PAK1: variants seen among roughly 807,000 people sequenced by gnomAD.
PAK1 encodes the protein p21 (RAC1) activated kinase 1.
Under a neutral mutation model 67.4 loss-of-function variants are expected in PAK1, and 29 were observed. That is an observed-to-expected ratio of 0.43 (90% CI 0.32 to 0.59). PAK1 has a LOEUF of 0.59. Among genes scored for constraint, PAK1 ranks in the 20% least tolerant of loss-of-function variants. PAK1 has a pLI of 0.07. For missense variants in PAK1, 337 were observed against 670.7 expected (o/e 0.50, Z 5.50); for synonymous variants, 223 against 237.4 (o/e 0.94, Z 0.56).
intron 1 of PAK1, among the ~76,000 whole-genome samples, chr11:77,449,511 C>G (rs1044773100): frequency 1.3e-5 from 2 of 152,054 alleles, no homozygotes; most frequent in African/African-American, 4.8e-5. Context: ...AACAACTTAA[C>G]ATAAAACGTT....
the PAK1 span, among the ~76,000 whole-genome samples, chr11:77,519,389 G>A: frequency 6.6e-6 from 1 of 152,080 alleles, no homozygotes; most frequent in East Asian, 1.9e-4. Context: ...TGTATCCCCT[G>A]TATTTCATGT....
chr11:77,435,118 CAA>C (rs11452381), intron 1 of PAK1, among the ~76,000 whole-genome samples: 2 of 128,680 alleles, frequency 1.6e-5, no homozygotes, highest in African/African-American at 2.8e-5. Context: ...TGTGAATATA[CAA>C]AAAAAAAAAA....
intron 9 of PAK1, 112 bp from the exon 10 acceptor site, chr11:77,344,043 T>C: frequency 2.8e-6 from 2 of 719,566 alleles, no homozygotes; most frequent in Non-Finnish European, 4.9e-6. Flanking sequence ...AGATACAGTC[T>C]TAGCCCTCGA....
chr11:77,470,860 C>T (rs183084093), intron 1 of PAK1, among the ~76,000 whole-genome samples: 8 of 152,234 alleles, frequency 5.3e-5, no homozygotes, highest in Middle Eastern at 3.4e-3. Context: ...AACAAACAAA[C>T]GAACAAAAGA....
intron 3 of PAK1, 55 bp from the exon 4 acceptor site, chr11:77,379,443 AAGAAC>A: frequency 6.4e-7 from 1 of 1,552,760 alleles, no homozygotes; most frequent in African/African-American, 1.4e-5. Flanking sequence ...GGGAGCCTGA[AAGAAC>A]ATCAGAGCTA....
chr11:77,469,110 G>A lies in PAK1; in HGVS notation c.-22+4442C>T, dbSNP rs561570319. Among the ~76,000 whole-genome samples, 15 of 152,216 alleles carry A rather than the reference G, an allele frequency of 9.9e-5. No individual in the cohort carries two copies. In the East Asian group the frequency reaches 1.9e-3, roughly 20 times the overall value. ...AACTCTCACTGCAATATATTTACTT[G>A]CAAAACATTCCTATATCCTCTGTGC... On this transcript the variant is annotated intron_variant, in intron 1 of 14. Coordinates refer to ENST00000356341, the MANE Select transcript of PAK1 (RefSeq NM_002576.5).
intron 2 of PAK1, among the ~76,000 whole-genome samples, chr11:77,381,408 G>A (rs115580908): frequency 1.8e-3 from 276 of 152,250 alleles, no homozygotes; most frequent in African/African-American, 6.3e-3. Context: ...CCACAATCCT[G>A]AGGTAAGTTT....
chr11:77,451,433 C>T (rs1956846950), intron 1 of PAK1, among the ~76,000 whole-genome samples: 1 of 152,276 alleles, frequency 6.6e-6, no homozygotes, highest in East Asian at 1.9e-4. Flanking sequence ...CGCCTTTGTC[C>T]AATCATATTT....
chr11:77,463,380 T>C (rs1014235095), intron 1 of PAK1, among the ~76,000 whole-genome samples: 1 of 152,122 alleles, frequency 6.6e-6, no homozygotes, highest in Non-Finnish European at 1.5e-5. Flanking sequence ...AAAAAATTTT[T>C]AACGTACATA....
chr11:77,328,395 C>A (rs1217714947), intron 14 of PAK1, among the ~76,000 whole-genome samples: 8 of 152,266 alleles, frequency 5.3e-5, no homozygotes, highest in South Asian at 2.1e-4. Context: ...GTAAAGCACT[C>A]CTCAGCAAAT....
At chr11:77,405,674 G>GAGACACAC (rs1555167120) in intron 1 of PAK1, among the ~76,000 whole-genome samples, 3 of 125,892 alleles carry the variant, frequency 2.4e-5, no homozygotes, top group Admixed American at 7.9e-5. Context: ...CAGACAGACA[G>GAGACACAC]ACACACACAC....
chr11:77,405,842 A>G (rs561417379), intron 1 of PAK1, among the ~76,000 whole-genome samples: 28 of 152,188 alleles, frequency 1.8e-4, no homozygotes, highest in African/African-American at 6.0e-4. Flanking sequence ...CCAACTAACA[A>G]TCTACCATTT....
chr11:77,426,241 C>A (rs1955540275), intron 1 of PAK1, among the ~76,000 whole-genome samples: 1 of 151,982 alleles, frequency 6.6e-6, no homozygotes, highest in Non-Finnish European at 1.5e-5. Context: ...ACCACCACCA[C>A]CATCTTTTTT....
intron 1 of PAK1, among the ~76,000 whole-genome samples, chr11:77,428,359 C>T (rs1248807296): frequency 2.0e-5 from 3 of 151,882 alleles, no homozygotes; most frequent in South Asian, 2.1e-4. Context: ...GTCGGGAGAT[C>T]GAGACCATCC....
In PAK1 at chr11:77,374,318, A is replaced by G. The variant is rs764546194; in HGVS notation, c.477+10T>C. On this transcript the variant is annotated intron_variant, in intron 5 of 14. Transcript: ENST00000356341. The stretch of plus-strand genomic sequence containing the variant: ...CTGCCCACATCAAAATAGAGTAAAT[A>G]AAGACTTACCAAGGCATTAGAAGAA... The G allele has an allele frequency of 6.4e-7, 1 of 1,561,162 alleles. No individual in the cohort carries two copies. The highest frequency in any genetic ancestry group is 8.8e-7 in the Non-Finnish European group (1 of 1,131,810).
the PAK1 span, among the ~76,000 whole-genome samples, chr11:77,488,259 A>T: frequency 6.6e-6 from 1 of 151,782 alleles, no homozygotes; most frequent in Non-Finnish European, 1.5e-5. Flanking sequence ...GTAGTGATTT[A>T]AAAAAAAACT....
intron 1 of PAK1, among the ~76,000 whole-genome samples, chr11:77,404,687 A>G (rs1953215235): frequency 6.6e-6 from 1 of 152,136 alleles, no homozygotes; most frequent in Non-Finnish European, 1.5e-5. Context: ...TCCAGTTACA[A>G]TGAAGGAGGT....
the PAK1 span, among the ~76,000 whole-genome samples, chr11:77,484,370 T>A: frequency 1.3e-5 from 2 of 152,138 alleles, no homozygotes; most frequent in Non-Finnish European, 2.9e-5. Flanking sequence ...GTCCTGGTGG[T>A]TAGATTGTTC....
intron 1 of PAK1, among the ~76,000 whole-genome samples, chr11:77,412,326 C>T (rs1056793025): frequency 6.6e-6 from 1 of 152,150 alleles, no homozygotes; most frequent in South Asian, 2.1e-4. Flanking sequence ...ACACCTCCCC[C>T]CTCCCCAAAC....
Sources: gnomAD v4.1 joint callset for allele counts (sites outside exome capture counted in the v4.1 genomes callset) on GRCh38, gnomAD v4.1.1 for gene constraint, MANE v1.5 for transcripts, NCBI Gene and HGNC (gene_info 2026-07-23, HGNC 2026-07-21) for gene names.